MTERF4: variants seen among roughly 807,000 people sequenced by gnomAD.
The protein encoded by MTERF4 is mitochondrial transcription termination factor 4.
MTERF4 carries 17 observed loss-of-function variants against 22.5 expected under a neutral mutation model. The observed-to-expected ratio is 0.75, with a 90% confidence interval of 0.52 to 1.13. The LOEUF is 1.13. Ranked by LOEUF, MTERF4 falls within the 50% of genes most tolerant of loss-of-function variation. The pLI, the probability that MTERF4 is intolerant of heterozygous loss-of-function variation, is 0.00. For missense variants in MTERF4, 420 were observed against 466.8 expected (o/e 0.90, Z 0.92); for synonymous variants, 165 against 175.3 (o/e 0.94, Z 0.47).
intron 2 of MTERF4, among the ~76,000 whole-genome samples, chr2:241,098,769 A>G (rs539099111): frequency 3.9e-4 from 50 of 126,792 alleles, no homozygotes; most frequent in African/African-American, 2.1e-3. Context: ...ATATTTATCA[A>G]CATCACATTA....
chr2:241,073,468 C>A lies in MTERF4; in HGVS notation n.2694G>T. The A allele has an allele frequency of 1.1e-6, 1 of 949,072 alleles. No individual in the cohort carries two copies. The highest frequency in any genetic ancestry group is 1.7e-6 in the Non-Finnish European group (1 of 599,628). 58.8% of individuals were successfully genotyped at this position (949,072 alleles called of 1,614,324 possible). ...CCACCCACGGTGAGGAATCAGGAGG[C>A]ACAGAGCCTACCTGAGGGGAGGCTG... On this transcript the variant is annotated non_coding_transcript_exon_variant, in exon 5 of 5. Coordinates refer to the MTERF4 transcript ENST00000464344. The surrounding 1 kb of genome is among the most constrained non-coding windows in gnomAD (Gnocchi z 6.6).
At chr2:241,053,073 T>A in the MTERF4 span, 4 of 1,378,566 alleles carry the variant, frequency 2.9e-6, no homozygotes, top group African/African-American at 4.3e-5. Context: ...GGCCCTGCAG[T>A]CGGGTCGGGC....
chr2:241,100,074 A>T, intron 1 of MTERF4, 180 bp from the exon 2 acceptor site: 2 of 714,088 alleles, frequency 2.8e-6, no homozygotes. Flanking sequence ...CACAAAGAAC[A>T]GGGTATTTCA....
chr2:241,068,157 A>T (rs1248091865), downstream of MTERF4, among the ~76,000 whole-genome samples: 1 of 152,144 alleles, frequency 6.6e-6, no homozygotes, highest in Non-Finnish European at 1.5e-5. This position sits in a 1 kb window ranked among gnomAD's most constrained non-coding sequence, Gnocchi z 5.3. Context: ...CCAAGAGAGG[A>T]TACACCTTGG....
intron 1 of MTERF4, among the ~76,000 whole-genome samples, chr2:241,100,162 GGAA>G: frequency 6.6e-6 from 1 of 152,282 alleles, no homozygotes; most frequent in Middle Eastern, 3.4e-3. Context: ...GGGACATGGA[GGAA>G]GAGGGAAAAA....
downstream of MTERF4, chr2:241,082,186 C>A: frequency 1.9e-6 from 2 of 1,032,774 alleles, no homozygotes; most frequent in East Asian, 4.8e-5. Flanking sequence ...CCTAAGGACC[C>A]CCGGGCCCTC....
chr2:241,076,024 T>A (rs2063004316), intron 4 of MTERF4, among the ~76,000 whole-genome samples: 5 of 152,228 alleles, frequency 3.3e-5, no homozygotes, highest in Admixed American at 3.3e-4. Flanking sequence ...TCTGTGCCAA[T>A]ACTGCCCTGT....
chr2:241,068,840 G>A, downstream of MTERF4: 1 of 1,097,250 alleles, frequency 9.1e-7, no homozygotes, highest in South Asian at 1.5e-5. This position sits in a 1 kb window ranked among gnomAD's most constrained non-coding sequence, Gnocchi z 5.3. Context: ...TGGGGGAGCT[G>A]CGGTCTGGCA....
chr2:241,052,277 G>T, the MTERF4 span: 1 of 1,431,038 alleles, frequency 7.0e-7, no homozygotes, highest in East Asian at 2.3e-5. Flanking sequence ...GGAGCTGGGT[G>T]CAGGAGGCAG....
At chr2:241,067,760 C>A (rs2062523142), downstream of MTERF4, 3 of 1,602,096 alleles carry the variant, frequency 1.9e-6, no homozygotes, top group Non-Finnish European at 2.6e-6. Context: ...TCCATTCCCC[C>A]TAGGACCCCG....
the MTERF4 span, chr2:241,052,207 T>C: frequency 6.5e-7 from 1 of 1,543,366 alleles, no homozygotes; most frequent in Non-Finnish European, 9.0e-7. Flanking sequence ...GAACCCTCTC[T>C]GCAGATGTGA....
chr2:241,053,649 A>G, the MTERF4 span, among the ~76,000 whole-genome samples: 1 of 152,220 alleles, frequency 6.6e-6, no homozygotes. Context: ...AGAGTCCTAA[A>G]GAGCCAGATA....
chr2:241,086,028 C>G (rs2063558176), downstream of MTERF4, among the ~76,000 whole-genome samples: 1 of 152,014 alleles, frequency 6.6e-6, no homozygotes, highest in African/African-American at 2.4e-5. Context: ...CCACCATGCC[C>G]AGCTAATTTT....
chr2:241,064,190 G>A, the MTERF4 span: 507 of 1,153,808 alleles, frequency 4.4e-4, no homozygotes, highest in Non-Finnish European at 3.0e-4. The surrounding 1 kb of genome is among the most constrained non-coding windows in gnomAD (Gnocchi z 7.0). Context: ...CTGCCCGCCT[G>A]CTGCCCGCCC....
At chr2:241,051,052 G>A in the MTERF4 span, among the ~76,000 whole-genome samples, 2 of 152,228 alleles carry the variant, frequency 1.3e-5, no homozygotes, top group Non-Finnish European at 2.9e-5. This position sits in a 1 kb window ranked among gnomAD's most constrained non-coding sequence, Gnocchi z 4.7. Flanking sequence ...GCCAGAGCTT[G>A]GACCTGCAGC....
At chr2:241,045,600 TA>T in the MTERF4 span, among the ~76,000 whole-genome samples, 73 of 142,832 alleles carry the variant, frequency 5.1e-4, no homozygotes, top group Non-Finnish European at 8.4e-4. Context: ...CTTATATGTA[TA>T]AAAAAAAAAC....
the MTERF4 span, among the ~76,000 whole-genome samples, chr2:241,066,763 C>T: frequency 2.0e-5 from 3 of 152,130 alleles, no homozygotes; most frequent in Non-Finnish European, 4.4e-5. Context: ...CGGCGGTTCT[C>T]ACAGGAGGAA....
chr2:241,046,960 G>T, the MTERF4 span, among the ~76,000 whole-genome samples: 38,098 of 151,732 alleles, frequency 0.25, 6,300 homozygotes, highest in East Asian at 0.52. Flanking sequence ...CTGGCCAACA[G>T]AGTGAAACCC....
chr2:241,091,604 T>C (rs1467157464), downstream of MTERF4: 1 of 152,188 alleles, frequency 6.6e-6, no homozygotes. This position sits in a 1 kb window ranked among gnomAD's most constrained non-coding sequence, Gnocchi z 4.1. Context: ...TGCCTGTCAT[T>C]CTCCTCATGC....
Sources: gnomAD v4.1 joint callset for allele counts (sites outside exome capture counted in the v4.1 genomes callset) on GRCh38, gnomAD v4.1.1 for gene constraint, Gnocchi (gnomAD v3.1) non-coding constraint, MANE v1.5 for transcripts, NCBI Gene and HGNC (gene_info 2026-07-23, HGNC 2026-07-21) for gene names.